The following RNF8 variants were observed in gnomAD, a reference collection of about 807,000 sequenced individuals.
RNF8 encodes ring finger protein 8, also known as E3 ubiquitin-protein ligase RNF8.
A neutral mutation model predicts 59.3 loss-of-function variants in RNF8; 8 were observed. The ratio of observed to expected loss-of-function variants is 0.13; its 90% confidence interval spans 0.08 to 0.24. RNF8 has a LOEUF of 0.24. RNF8 is among the 10% of genes least tolerant of loss of function. RNF8 has a pLI of 1.00. For missense variants in RNF8, 406 were observed against 572.6 expected (o/e 0.71, Z 2.97); for synonymous variants, 162 against 200.0 (o/e 0.81, Z 1.60).
Position 37,392,357 on chromosome 6 carries a change from T to TA in RNF8, c.*1600dup. 2.5e-6 allele frequency: 1 copy of TA among 398,186 alleles called. No individual in the cohort carries two copies. The highest frequency in any genetic ancestry group is 4.4e-6 in the Non-Finnish European group (1 of 225,992). The allele number at this position is 398,186 out of a possible 1,614,324, so 24.7% of individuals were successfully genotyped here. On this transcript the variant is annotated 3_prime_UTR_variant, in exon 8 of 8. Coordinates refer to ENST00000373479, the MANE Select transcript of RNF8 (RefSeq NM_003958.4). ...ATTCATTTTTAAGAGAGTACAGACA[T>TA]ACACTTTTTGAGTAGGCAATATGTT...
At chr6:37,373,990 T>C (rs1769911910) in intron 4 of RNF8, among the ~76,000 whole-genome samples, 1 of 152,266 alleles carries the variant, frequency 6.6e-6, no homozygotes, top group Non-Finnish European at 1.5e-5. Context: ...ACATTCAGCA[T>C]AGGCATTTAG....
chr6:37,387,090 G>A (rs1328829374), intron 7 of RNF8, among the ~76,000 whole-genome samples: 1 of 152,152 alleles, frequency 6.6e-6, no homozygotes, highest in Non-Finnish European at 1.5e-5. Context: ...TATTTTTAGA[G>A]CAAGCTCAAA....
intron 6 of RNF8, among the ~76,000 whole-genome samples, chr6:37,380,522 T>TAA (rs1770208692): frequency 6.6e-6 from 1 of 151,506 alleles, no homozygotes; most frequent in African/African-American, 2.4e-5. Context: ...TACAAAAAAA[T>TAA]TAGCCGGGTG....
At chr6:37,372,844 C>T (rs1444521282) in intron 4 of RNF8, among the ~76,000 whole-genome samples, 2 of 152,216 alleles carry the variant, frequency 1.3e-5, no homozygotes, top group African/African-American at 4.8e-5. Context: ...TGGCGCATGC[C>T]TGTAATCCCA....
intron 7 of RNF8, among the ~76,000 whole-genome samples, chr6:37,388,360 A>G (rs964711155): frequency 5.3e-5 from 8 of 152,206 alleles, no homozygotes; most frequent in Non-Finnish European, 1.0e-4. Context: ...TTAGTTTTCA[A>G]CTGGAAAGTT....
rs1770062185 is a variant in RNF8 at position 37,377,261 on chromosome 6, G to T, written c.1236+228G>T. Among the ~76,000 whole-genome samples the T allele has an allele frequency of 2.0e-5, 3 of 151,804 alleles. No individual in the cohort carries two copies. In the South Asian group the frequency reaches 6.2e-4, roughly 32 times the overall value. On this transcript the variant is annotated intron_variant, in intron 6 of 7. Coordinates refer to ENST00000373479, the MANE Select transcript of RNF8 (RefSeq NM_003958.4). ...TGTCTAAGCTTTTGTATTTTTAGTAGACATGGGGTTTTGCCATGTTGGCTA... is the reference window on the plus strand; with the variant it reads ...TGTCTAAGCTTTTGTATTTTTAGTATACATGGGGTTTTGCCATGTTGGCTA...
intron 2 of RNF8, among the ~76,000 whole-genome samples, chr6:37,368,092 A>C (rs1331473309): frequency 6.6e-6 from 1 of 152,164 alleles, no homozygotes; most frequent in Non-Finnish European, 1.5e-5. Flanking sequence ...TACTTCATGG[A>C]CCTCACCCTT....
At chr6:37,389,701 G>C (rs780860440) in intron 7 of RNF8, among the ~76,000 whole-genome samples, 4 of 151,720 alleles carry the variant, frequency 2.6e-5, no homozygotes, top group African/African-American at 7.3e-5. Context: ...AGAGTATCGT[G>C]GGGGGGTGGG....
chr6:37,368,374 C>A, intron 2 of RNF8, 110 bp from the exon 3 acceptor site: 1 of 1,607,498 alleles, frequency 6.2e-7, no homozygotes. Flanking sequence ...TATTTGTTAT[C>A]AAGAGTTTTC....
chr6:37,365,900 T>G (rs897159971), intron 2 of RNF8, among the ~76,000 whole-genome samples: 1 of 152,212 alleles, frequency 6.6e-6, no homozygotes, highest in African/African-American at 2.4e-5. Context: ...TCTCCTTATA[T>G]GAACAGACCT....
chr6:37,383,603 C>A (rs967847936), intron 7 of RNF8, among the ~76,000 whole-genome samples: 5 of 152,196 alleles, frequency 3.3e-5, no homozygotes, highest in African/African-American at 7.2e-5. Context: ...CACTTCTAGG[C>A]CTCCTGGGCT....
Position 37,360,695 on chromosome 6 carries a change from C to A in RNF8, c.240+121C>A. 1 of 1,004,854 alleles carries A rather than the reference C, an allele frequency of 1.0e-6. No homozygotes were observed. Among genetic ancestry groups the A allele is most frequent in the Non-Finnish European group, 1.4e-6 (1 of 713,614 alleles). 62.2% of individuals were successfully genotyped at this position (1,004,854 alleles called of 1,614,324 possible). On this transcript the variant is annotated intron_variant, in intron 2 of 7. Transcript: ENST00000373479. The surrounding 1 kb of genome is among the most constrained non-coding windows in gnomAD (Gnocchi z 4.2). ...TATAACTTCTTCTTTCCTAGCCATC[C>A]AGTTCCCTTTTCCAGAGGCAGCCAC...
rs377150044 is a variant in RNF8, at chr6:37,381,397, T to C, written c.1441+43T>C. 9.1e-6 allele frequency: 14 copies of C among 1,542,496 alleles called. No homozygotes were observed. The African/African-American group carries it at 1.2e-4, about 14-fold the overall frequency. On this transcript the variant is annotated intron_variant, in intron 7 of 7. Coordinates refer to ENST00000373479, the MANE Select transcript of RNF8 (RefSeq NM_003958.4). The stretch of plus-strand genomic sequence containing the variant: ...TTCCTACCCCTCAAGAAAGGACTTA[T>C]TTACTTCCAAACTTCAACAAATATT...
intron 7 of RNF8, among the ~76,000 whole-genome samples, chr6:37,387,234 G>C (rs1725699752): frequency 6.6e-6 from 1 of 152,114 alleles, no homozygotes; most frequent in African/African-American, 2.4e-5. Flanking sequence ...CCTTTTCCTG[G>C]CTAGGGCTTC....
chr6:37,368,718 G>T lies in RNF8; in HGVS notation c.475G>T (p.Asp159Tyr). 1 of 1,614,162 alleles carries T rather than the reference G, an allele frequency of 6.2e-7. No homozygotes were observed. Among genetic ancestry groups the T allele is most frequent in the South Asian group, 1.1e-5 (1 of 91,072 alleles). ...ELRTKRKFSL[D>Y]ELAGPGAEGP... Reference sequence around the variant, plus strand: ...GAGAACTAAAAGGAAATTCAGTTTGGATGAATTAGCAGGTCCTGGAGCTGA... The same window carrying T: ...GAGAACTAAAAGGAAATTCAGTTTGTATGAATTAGCAGGTCCTGGAGCTGA... Residue 159 changes from aspartate to tyrosine, a missense_variant, in exon 3 of 8, where the codon GAT becomes TAT. Around this residue, in one of 3 missense-constraint regions of RNF8, gnomAD observed 285 missense variants for 342.0 expected, o/e 0.83. Transcript: ENST00000373479.
chr6:37,383,045 G>A (rs751890905), intron 7 of RNF8, among the ~76,000 whole-genome samples: 7 of 151,668 alleles, frequency 4.6e-5, no homozygotes, highest in Admixed American at 1.3e-4. Flanking sequence ...CTATTACACA[G>A]AGTTAATTCT....
chr6:37,380,487 G>A (rs1331941834), intron 6 of RNF8, among the ~76,000 whole-genome samples: 4 of 151,852 alleles, frequency 2.6e-5, no homozygotes, highest in South Asian at 2.1e-4. Context: ...TGGCTAACAC[G>A]GTGAAACCCC....
At chr6:37,378,700 T>C (rs1036974884) in intron 6 of RNF8, among the ~76,000 whole-genome samples, 3 of 151,936 alleles carry the variant, frequency 2.0e-5, no homozygotes, top group African/African-American at 7.3e-5. Context: ...TTGAAAAATC[T>C]CTCCTGGGCA....
Position 37,390,851 on chromosome 6 carries a change from G to A in RNF8, c.*93G>A. ...TCTCTAGCCGTGACTCCGCTGCTCT[G>A]AAGGTCAACTGAGAAGTCTTGTGGG... On this transcript the variant is annotated 3_prime_UTR_variant, in exon 8 of 8. Transcript: ENST00000373479. 1 of 1,610,958 alleles carries A rather than the reference G, an allele frequency of 6.2e-7. No individual in the cohort carries two copies. Among genetic ancestry groups the A allele is most frequent in the Non-Finnish European group, 8.5e-7 (1 of 1,177,160 alleles).
Sources: allele counts gnomAD v4.1 joint callset (sites outside exome capture counted in the v4.1 genomes callset), GRCh38; gene constraint gnomAD v4.1.1; regional missense constraint gnomAD v4.1.1; non-coding constraint Gnocchi (gnomAD v3.1); transcripts MANE v1.5; gene names NCBI Gene and HGNC (gene_info 2026-07-23, HGNC 2026-07-21).